LAMA1: variants seen among roughly 807,000 people sequenced by gnomAD.
LAMA1 encodes laminin subunit alpha 1.
Under a neutral mutation model 348.7 loss-of-function variants are expected in LAMA1, and 219 were observed. The observed-to-expected ratio is 0.63, with a 90% CI of 0.56 to 0.70. LAMA1 has a LOEUF of 0.70. LAMA1 is among the 30% of genes least tolerant of loss of function. The probability of loss-of-function intolerance (pLI) is 0.00; values close to 1 mark genes in which losing one functional copy is unlikely to be tolerated. For synonymous variants in LAMA1, 1,487 were observed against 1,491.0 expected (o/e 1.00, Z 0.06); for missense variants, 3,744 against 3,888.0 (o/e 0.96, Z 0.99).
intron 1 of LAMA1, among the ~76,000 whole-genome samples, chr18:7,092,917 G>A (rs188357964): frequency 5.3e-4 from 80 of 152,252 alleles, no homozygotes; most frequent in African/African-American, 1.9e-3. Flanking sequence ...TCCTGTGGTG[G>A]CAGCACATGC....
intron 1 of LAMA1, among the ~76,000 whole-genome samples, chr18:7,095,974 AG>A (rs1216826922): frequency 1.3e-5 from 2 of 152,240 alleles, no homozygotes; most frequent in African/African-American, 4.8e-5. Context: ...AGGCTGAGGC[AG>A]GGGAATCGCT....
intron 61 of LAMA1, among the ~76,000 whole-genome samples, chr18:6,944,345 C>T (rs573388286): frequency 1.3e-5 from 2 of 152,178 alleles, no homozygotes; most frequent in South Asian, 2.1e-4. Flanking sequence ...CACCTATGAG[C>T]GAATATTTAC....
intron 44 of LAMA1, 139 bp from the exon 45 acceptor site, chr18:6,976,219 T>A: frequency 1.3e-6 from 1 of 790,706 alleles, no homozygotes. Flanking sequence ...GGTTCATGTT[T>A]CATGAAGTGA....
intron 19 of LAMA1, among the ~76,000 whole-genome samples, 168 bp from the exon 20 acceptor site, chr18:7,017,552 G>C (rs2057894864): frequency 6.6e-6 from 1 of 152,142 alleles, no homozygotes; most frequent in Non-Finnish European, 1.5e-5. Context: ...TTTTTCTGAA[G>C]AGTAAACTGA....
At chr18:6,991,761 T>C (rs555980694) in intron 36 of LAMA1, among the ~76,000 whole-genome samples, 88 of 152,262 alleles carry the variant, frequency 5.8e-4, no homozygotes, top group African/African-American at 2.0e-3. Context: ...ATATACAGTA[T>C]AAATAAATAT....
rs1411845389 is a variant in LAMA1, at chr18:7,109,965, C to CCT, written c.61+7694_61+7695insAG. On this transcript the variant is annotated intron_variant, in intron 1 of 62. Transcript: ENST00000389658. Reference sequence around the variant, plus strand: ...TTGGGAGGCCAAGGCGGGTGGATCACAAGGTCAGGAGATCGAGACCATCCT... The same window carrying CCT: ...TTGGGAGGCCAAGGCGGGTGGATCACCTAAGGTCAGGAGATCGAGACCATCCT... Among the ~76,000 whole-genome samples the CCT allele has an allele frequency of 2.6e-5, 4 of 152,164 alleles. No individual in the cohort carries two copies. The East Asian group carries it at 5.8e-4, about 22-fold the overall frequency.
At position 7,012,094 on chromosome 18, in the gene LAMA1, G is replaced by T. The variant is rs769837893; in HGVS notation, c.3408C>A (p.Thr1136=). The T allele has an allele frequency of 1.9e-6, 3 of 1,613,624 alleles. No homozygotes were observed. The African/African-American group carries it at 4.0e-5, about 22-fold the overall frequency. Residue 1136 remains threonine (T), a synonymous_variant, in exon 24 of 63, where the codon ACC becomes ACA. Coordinates refer to ENST00000389658, the MANE Select transcript of LAMA1 (RefSeq NM_005559.4). ...GGGGGTTGTCTGCGCGGAGAGCGAA[G>T]GTGCCCTCTCGACATTCGTTGCACT... ...GPQCNECREG[T]FALRADNPLG... is the part of the protein sequence containing the mutation.
intron 1 of LAMA1, among the ~76,000 whole-genome samples, chr18:7,089,565 A>T (rs1247963976): frequency 6.6e-6 from 1 of 152,258 alleles, no homozygotes; most frequent in Non-Finnish European, 1.5e-5. Context: ...GCTCAAGCCA[A>T]GAGCTCAGGC....
In LAMA1 at chr18:7,098,780, G is replaced by C. The variant is rs1246427262; in HGVS notation, c.62-18323C>G. Among the ~76,000 whole-genome samples, 65 of 125,650 alleles carry C rather than the reference G, an allele frequency of 5.2e-4. 8 individuals carry two copies. Among genetic ancestry groups the C allele is most frequent in the Non-Finnish European group, 1.0e-3 (59 of 57,752 alleles). 82.4% of individuals were successfully genotyped at this position (125,650 alleles called of 152,430 possible). A position where few individuals can be genotyped will look rare whatever the true frequency, so the allele number is the denominator to read the frequency against. On this transcript the variant is annotated intron_variant, in intron 1 of 62. Coordinates refer to ENST00000389658, the MANE Select transcript of LAMA1 (RefSeq NM_005559.4). ...CAGGAGGTGAGGGGCGCCTCTGCCC[G>C]GCCACCCCTACTGGGAAGTGAGGAG...
intron 3 of LAMA1, among the ~76,000 whole-genome samples, chr18:7,064,595 T>C (rs1344197077): frequency 6.6e-6 from 1 of 152,190 alleles, no homozygotes; most frequent in Non-Finnish European, 1.5e-5. Flanking sequence ...GCTTTCTCCT[T>C]GGTGGCATTT....
rs1178800238 is a variant in LAMA1, at chr18:6,950,974, G to A, written c.8208-3C>T. Reference sequence around the variant, plus strand: ...GGATGCTTAGCTCAACCGAGAGCCTGGGGAAAACAAGTGCTCAGCGTTGAG... The same window carrying A: ...GGATGCTTAGCTCAACCGAGAGCCTAGGGAAAACAAGTGCTCAGCGTTGAG... On this transcript the variant is annotated splice_polypyrimidine_tract_variant and splice_region_variant and intron_variant, in intron 57 of 62. Transcript: ENST00000389658. The A allele has an allele frequency of 6.2e-7, 1 of 1,613,066 alleles. No individual in the cohort carries two copies. The highest frequency in any genetic ancestry group is 2.2e-5 in the East Asian group (1 of 44,870).
Position 7,092,575 on chromosome 18 carries a change from G to T in LAMA1, c.62-12118C>A, listed in dbSNP as rs558542176. Among the ~76,000 whole-genome samples the T allele has an allele frequency of 2.0e-3, 298 of 151,200 alleles. 2 individuals are homozygous for T. Among genetic ancestry groups the T allele is most frequent in the South Asian group, 4.8e-3 (23 of 4,760 alleles). On this transcript the variant is annotated intron_variant, in intron 1 of 62. Transcript: ENST00000389658. ...AGGAGGTGGAGGCTGCAGTGAGCTGGGATCAGGCCACTGCACTCCAGCCTG... is the reference window on the plus strand; with the variant it reads ...AGGAGGTGGAGGCTGCAGTGAGCTGTGATCAGGCCACTGCACTCCAGCCTG...
intron 51 of LAMA1, chr18:6,964,247 T>G (rs577781786): frequency 1.4e-4 from 39 of 282,862 alleles, no homozygotes; most frequent in Admixed American, 3.3e-4. Context: ...TGTTACAGGT[T>G]GAACCGTGTC....
intron 1 of LAMA1, among the ~76,000 whole-genome samples, chr18:7,104,642 C>G (rs987690431): frequency 2.6e-5 from 4 of 152,214 alleles, no homozygotes; most frequent in African/African-American, 9.6e-5. Flanking sequence ...TCAGACCACA[C>G]AGGGCCTTAG....
At chr18:7,099,444 A>T (rs1197569157) in intron 1 of LAMA1, among the ~76,000 whole-genome samples, 2 of 151,890 alleles carry the variant, frequency 1.3e-5, no homozygotes, top group Admixed American at 6.6e-5. Flanking sequence ...CCTCTGTGAG[A>T]AACACCCAAG....
intron 57 of LAMA1, among the ~76,000 whole-genome samples, chr18:6,951,717 C>T (rs896290973): frequency 1.3e-5 from 2 of 152,078 alleles, no homozygotes; most frequent in African/African-American, 2.4e-5. Flanking sequence ...GGGAGGGAGT[C>T]GGGTGGCTTA....
intron 41 of LAMA1, among the ~76,000 whole-genome samples, chr18:6,981,102 CAA>C (rs1216591782): frequency 1.8e-4 from 14 of 76,698 alleles, no homozygotes; most frequent in Admixed American, 3.0e-4. Flanking sequence ...GACTCCGTCT[CAA>C]AAAAAAAAAA....
chr18:7,055,453 CAAAAAAAA>C (rs57670126), intron 3 of LAMA1, among the ~76,000 whole-genome samples: 2 of 61,766 alleles, frequency 3.2e-5, no homozygotes, highest in East Asian at 9.9e-4. Flanking sequence ...AACTCCGTCT[CAAAAAAAA>C]AAAAAAAAAA....
chr18:7,013,753 A>T, intron 23 of LAMA1, 62 bp downstream of exon 23: 2 of 1,541,058 alleles, frequency 1.3e-6, no homozygotes, highest in South Asian at 1.1e-5. Context: ...AAGTAGTCAA[A>T]GCCCAGGAGT....
Sources: allele counts gnomAD v4.1 joint callset (sites outside exome capture counted in the v4.1 genomes callset), GRCh38; gene constraint gnomAD v4.1.1; transcripts MANE v1.5; gene names NCBI Gene and HGNC (gene_info 2026-07-23, HGNC 2026-07-21).